Variants in SORCS3 observed in about 807,000 individuals in gnomAD.
SORCS3 encodes VPS10 domain-containing receptor SorCS3.
SORCS3 carries 57 observed loss-of-function variants against 146.3 expected under a neutral mutation model. The ratio of observed to expected loss-of-function variants is 0.39; its 90% CI spans 0.31 to 0.49. The LOEUF (loss-of-function observed/expected upper bound fraction) is 0.49, where lower values mean the gene tolerates loss of function less well. SORCS3 is among the 20% of genes least tolerant of loss of function. The probability of loss-of-function intolerance (pLI) is 0.92; values close to 1 mark genes in which losing one functional copy is unlikely to be tolerated. For synonymous variants in SORCS3, 653 were observed against 618.5 expected, an observed-to-expected ratio of 1.06 and a Z score of -0.83; for missense variants, 1,341 against 1,575.5, an observed-to-expected ratio of 0.85 and a Z score of 2.52.
chr10:105,221,648 TGTCTC>T (rs949009593), intron 19 of SORCS3, among the ~76,000 whole-genome samples: 12 of 152,314 alleles, frequency 7.9e-5, no homozygotes, highest in African/African-American at 2.9e-4. Flanking sequence ...TGAACTGACT[TGTCTC>T]CAGAATTACC....
At chr10:104,955,318 C>T (rs1055460875) in intron 3 of SORCS3, among the ~76,000 whole-genome samples, 12 of 150,382 alleles carry the variant, frequency 8.0e-5, no homozygotes, top group South Asian at 2.1e-4. Context: ...ATAGTGTTTT[C>T]GAAGTTTTTT....
In SORCS3 at chr10:105,252,759, C is replaced by T. The variant is rs756416993; in HGVS notation, c.3106-16C>T. 3 of 1,613,680 alleles carry T rather than the reference C, an allele frequency of 1.9e-6. No individual in the cohort carries two copies. In the South Asian group the frequency reaches 3.3e-5, roughly 18 times the overall value. ...TGGCTCCTCCACAGCCTCTCTTTGT[C>T]TGAACATCTTTGCAGGTAACCAGTG... On this transcript the variant is annotated splice_polypyrimidine_tract_variant and intron_variant, in intron 22 of 26. Transcript: ENST00000369701.
At chr10:104,749,542 A>G (rs1415994356) in intron 1 of SORCS3, among the ~76,000 whole-genome samples, 1 of 152,202 alleles carries the variant, frequency 6.6e-6, no homozygotes, top group African/African-American at 2.4e-5. Flanking sequence ...TTGTATGTCA[A>G]TAACTGTACA....
intron 5 of SORCS3, among the ~76,000 whole-genome samples, chr10:105,088,934 G>A (rs2055682365): frequency 6.6e-6 from 1 of 152,202 alleles, no homozygotes; most frequent in East Asian, 1.9e-4. Flanking sequence ...TAGACTATAA[G>A]TAAGAGCTTG....
intron 3 of SORCS3, among the ~76,000 whole-genome samples, chr10:104,938,892 A>G (rs1343027984): frequency 2.0e-5 from 3 of 152,158 alleles, no homozygotes; most frequent in African/African-American, 7.2e-5. Context: ...CCACTTGTCA[A>G]TGGTTCTCAA....
At chr10:104,907,421 G>A (rs998541452) in intron 2 of SORCS3, among the ~76,000 whole-genome samples, 1 of 152,114 alleles carries the variant, frequency 6.6e-6, no homozygotes, top group Non-Finnish European at 1.5e-5. Context: ...GAACTAATGT[G>A]TTCACACCAA....
chr10:105,258,060 C>G (rs145555190), intron 25 of SORCS3, among the ~76,000 whole-genome samples: 3 of 152,170 alleles, frequency 2.0e-5, no homozygotes, highest in Non-Finnish European at 4.4e-5. Context: ...TTCCTGCCCC[C>G]CTTCTTCCTG....
intron 5 of SORCS3, among the ~76,000 whole-genome samples, chr10:105,065,493 G>C (rs1194450496): frequency 6.6e-6 from 1 of 152,012 alleles, no homozygotes; most frequent in Non-Finnish European, 1.5e-5. Flanking sequence ...CCCTTCCAGT[G>C]CTAAAAGCCT....
At chr10:104,738,323 C>G (rs1348482313) in intron 1 of SORCS3, among the ~76,000 whole-genome samples, 1 of 152,064 alleles carries the variant, frequency 6.6e-6, no homozygotes, top group Non-Finnish European at 1.5e-5. Flanking sequence ...TAAATGTGAT[C>G]ATTTTTTCTT....
intron 26 of SORCS3, 73 bp from the exon 27 acceptor site, chr10:105,263,237 A>C: frequency 1.0e-5 from 15 of 1,451,772 alleles, no homozygotes; most frequent in Non-Finnish European, 1.4e-5. Flanking sequence ...GGTATTTAGC[A>C]GTGAATAAAA....
At chr10:104,945,118 A>G (rs1449951938) in intron 3 of SORCS3, among the ~76,000 whole-genome samples, 1 of 152,244 alleles carries the variant, frequency 6.6e-6, no homozygotes, top group Non-Finnish European at 1.5e-5. Flanking sequence ...TACATATCGT[A>G]TGACCCCGTT....
chr10:105,125,679 C>CCACACACACACACACA (rs71022752), intron 7 of SORCS3, among the ~76,000 whole-genome samples: 28,467 of 143,900 alleles, frequency 0.2, 3,055 homozygotes, highest in East Asian at 0.46. Flanking sequence ...CACTGAATAT[C>CCACACACACACACACA]CACACACACA....
chr10:104,942,124 A>G (rs796104648), intron 3 of SORCS3, among the ~76,000 whole-genome samples: 4 of 152,302 alleles, frequency 2.6e-5, no homozygotes, highest in African/African-American at 9.6e-5. Context: ...GATCAAAGAG[A>G]TCTTACTTTA....
intron 7 of SORCS3, among the ~76,000 whole-genome samples, chr10:105,128,672 T>C (rs1254948961): frequency 6.6e-6 from 1 of 152,184 alleles, no homozygotes; most frequent in Admixed American, 6.5e-5. Context: ...TAGCCCTTCC[T>C]TCTGTGCATA....
intron 7 of SORCS3, among the ~76,000 whole-genome samples, chr10:105,131,791 G>T (rs1390485806): frequency 6.6e-6 from 1 of 152,040 alleles, no homozygotes; most frequent in African/African-American, 2.4e-5. Flanking sequence ...GAGAAGAGAG[G>T]GGAGGTGCTA....
chr10:105,128,977 T>G (rs1485100914), intron 7 of SORCS3, among the ~76,000 whole-genome samples: 1 of 152,136 alleles, frequency 6.6e-6, no homozygotes, highest in Non-Finnish European at 1.5e-5. Context: ...TTACAATGCC[T>G]AAAATTGCAC....
rs143408828 is a variant in SORCS3 at position 104,779,853 on chromosome 10, G to A, written c.628-62939G>A. Among the ~76,000 whole-genome samples the A allele has an allele frequency of 7.7e-3, 1,166 of 152,228 alleles. 16 individuals carry two copies. Among genetic ancestry groups the A allele is most frequent in the African/African-American group, 0.027 (1,108 of 41,524 alleles). Reference sequence around the variant, plus strand: ...TCTACTCTGCCCTGCCTCACCCCGCGCGCTCCGCCATGTTGATTGGTGAGG... The same window carrying A: ...TCTACTCTGCCCTGCCTCACCCCGCACGCTCCGCCATGTTGATTGGTGAGG... On this transcript the variant is annotated intron_variant, in intron 1 of 26. Coordinates refer to ENST00000369701, the MANE Select transcript of SORCS3 (RefSeq NM_014978.3).
chr10:105,097,558 C>T (rs2055755167), intron 6 of SORCS3, among the ~76,000 whole-genome samples: 1 of 152,202 alleles, frequency 6.6e-6, no homozygotes, highest in African/African-American at 2.4e-5. Context: ...AACTAACTGT[C>T]ATTTAGACCT....
At chr10:104,736,813 G>T (rs1410071127) in intron 1 of SORCS3, among the ~76,000 whole-genome samples, 1 of 150,088 alleles carries the variant, frequency 6.7e-6, no homozygotes. Flanking sequence ...AAAGTTTTCG[G>T]GTACATGTGC....
Sources: allele counts gnomAD v4.1 joint callset (sites outside exome capture counted in the v4.1 genomes callset), GRCh38; gene constraint gnomAD v4.1.1; transcripts MANE v1.5; gene names NCBI Gene and HGNC (gene_info 2026-07-23, HGNC 2026-07-21).